The following TMEM63B variants were observed in gnomAD, a reference collection of about 807,000 sequenced individuals.
TMEM63B encodes the protein mechanosensitive cation channel TMEM63B.
In TMEM63B, 23 loss-of-function variants were observed where a neutral mutation model predicts 102.6. That is an observed-to-expected ratio of 0.22 (90% CI 0.16 to 0.32). The LOEUF (loss-of-function observed/expected upper bound fraction) is 0.32. TMEM63B is among the 10% of genes least tolerant of loss of function. The pLI, the probability that TMEM63B is intolerant of heterozygous loss-of-function variation, is 1.00. For synonymous variants in TMEM63B, 444 were observed against 437.0 expected, an observed-to-expected ratio of 1.02 and a Z score of -0.20; for missense variants, 628 against 1,095.9, an observed-to-expected ratio of 0.57 and a Z score of 6.03.
At chr6:44,145,340 G>A (rs1484703596) in intron 10 of TMEM63B, among the ~76,000 whole-genome samples, 2 of 151,530 alleles carry the variant, frequency 1.3e-5, no homozygotes, top group African/African-American at 4.9e-5. Context: ...CAGCACTTTG[G>A]GAAGCCAGGG....
intron 10 of TMEM63B, among the ~76,000 whole-genome samples, chr6:44,145,517 G>A (rs1466455838): frequency 6.6e-6 from 1 of 151,978 alleles, no homozygotes. Flanking sequence ...ACTTGAACCC[G>A]GGAAGCAAAG....
intron 1 of TMEM63B, among the ~76,000 whole-genome samples, chr6:44,132,601 T>TG (rs1401524134): frequency 6.6e-6 from 1 of 152,170 alleles, no homozygotes; most frequent in African/African-American, 2.4e-5. Context: ...CCTCCCATAG[T>TG]GCCCCAGGGT....
At position 44,150,052 on chromosome 6, in the gene TMEM63B, C is replaced by G. The variant is rs765112478; in HGVS notation, c.1520+87C>G. 8.3e-6 allele frequency: 12 copies of G among 1,440,188 alleles called. No individual in the cohort carries two copies. The highest frequency in any genetic ancestry group is 1.1e-5 in the Non-Finnish European group (11 of 1,044,922). The allele number at this position is 1,440,188 out of a possible 1,614,324, so 89.2% of individuals were successfully genotyped here. A position where few individuals can be genotyped will look rare whatever the true frequency, so the allele number is the denominator to read the frequency against. The stretch of plus-strand genomic sequence containing the variant: ...TGGGCAGCACTTTGCCCTTCAGGCT[C>G]CTGGCCCTGGGCAGTCCCACAGCTG... On this transcript the variant is annotated intron_variant, in intron 16 of 23. Transcript: ENST00000323267. This position sits in a 1 kb window ranked among gnomAD's most constrained non-coding sequence, Gnocchi z 4.7.
At chr6:44,141,724 T>C (rs192042421) in intron 10 of TMEM63B, among the ~76,000 whole-genome samples, 3 of 152,332 alleles carry the variant, frequency 2.0e-5, no homozygotes, top group African/African-American at 4.8e-5. Context: ...GGACAGTCTC[T>C]ATACCACAGG....
intron 5 of TMEM63B, among the ~76,000 whole-genome samples, chr6:44,137,731 C>A (rs1040279647): frequency 6.6e-5 from 10 of 151,156 alleles, no homozygotes; most frequent in African/African-American, 2.4e-4. Context: ...CAGAGTCTTG[C>A]TCTGTCGCCC....
intron 1 of TMEM63B, among the ~76,000 whole-genome samples, chr6:44,129,708 T>G (rs1309304962): frequency 1.3e-5 from 2 of 152,220 alleles, no homozygotes; most frequent in Admixed American, 1.3e-4. Flanking sequence ...CATGTTACAT[T>G]CTGTGTTTTT....
At position 44,149,971 on chromosome 6, in the gene TMEM63B, G is replaced by A; in HGVS notation, c.1520+6G>A. ...TTTGAAGCCCACTGGACACGGTAAG[G>A]TGCCTCCACTCACACCACACCTCGC... is the stretch of plus-strand genomic sequence containing the variant. On this transcript the variant is annotated splice_donor_region_variant and intron_variant, in intron 16 of 23. Coordinates refer to ENST00000323267, the MANE Select transcript of TMEM63B (RefSeq NM_018426.3). 1.9e-6 allele frequency: 3 copies of A among 1,611,600 alleles called. No homozygotes were observed. Among genetic ancestry groups the A allele is most frequent in the Admixed American group, 1.7e-5 (1 of 59,834 alleles).
chr6:44,138,565 C>G (rs1314280958), intron 6 of TMEM63B, 48 bp downstream of exon 6: 1 of 1,610,784 alleles, frequency 6.2e-7, no homozygotes, highest in South Asian at 1.1e-5. Context: ...AACTTCAGAA[C>G]CTGGCATCTC....
chr6:44,150,010 C>G lies in TMEM63B; in HGVS notation c.1520+45C>G, dbSNP rs984687735. 3.8e-6 allele frequency: 6 copies of G among 1,563,904 alleles called. No individual in the cohort carries two copies. Among genetic ancestry groups the G allele is most frequent in the Non-Finnish European group, 5.3e-6 (6 of 1,142,582 alleles). Reference sequence around the variant, plus strand: ...ACCACACCTCGCTGTGGCCTGCCCTCAATGACCCATCCTCTCTGGGCAGCA... The same window carrying G: ...ACCACACCTCGCTGTGGCCTGCCCTGAATGACCCATCCTCTCTGGGCAGCA... On this transcript the variant is annotated intron_variant, in intron 16 of 23. Coordinates refer to ENST00000323267, the MANE Select transcript of TMEM63B (RefSeq NM_018426.3). This position sits in a 1 kb window ranked among gnomAD's most constrained non-coding sequence, Gnocchi z 4.7.
intron 1 of TMEM63B, among the ~76,000 whole-genome samples, chr6:44,132,655 CA>C (rs1215999319): frequency 4.6e-5 from 7 of 152,166 alleles, no homozygotes; most frequent in Admixed American, 3.3e-4. Context: ...CAGACACACC[CA>C]TGTTCACACC....
chr6:44,152,442 C>T lies in TMEM63B; in HGVS notation c.1837-151C>T. On this transcript the variant is annotated intron_variant, in intron 19 of 23. Coordinates refer to ENST00000323267, the MANE Select transcript of TMEM63B (RefSeq NM_018426.3). This position sits in a 1 kb window ranked among gnomAD's most constrained non-coding sequence, Gnocchi z 6.4. ...GCCATAGCCCCTCTCTCCATCTGCTCTGCCCTACCCTACCCTAGACATTAG... is the reference window on the plus strand; with the variant it reads ...GCCATAGCCCCTCTCTCCATCTGCTTTGCCCTACCCTACCCTAGACATTAG... 4.7e-6 allele frequency: 3 copies of T among 638,220 alleles called. No individual in the cohort carries two copies. Among genetic ancestry groups the T allele is most frequent in the Non-Finnish European group, 8.3e-6 (3 of 361,926 alleles). 39.5% of individuals were successfully genotyped at this position (638,220 alleles called of 1,614,324 possible). A position where few individuals can be genotyped will look rare whatever the true frequency, so the allele number is the denominator to read the frequency against.
intron 10 of TMEM63B, among the ~76,000 whole-genome samples, chr6:44,142,338 C>T (rs939130171): frequency 6.6e-6 from 1 of 150,594 alleles, no homozygotes; most frequent in Non-Finnish European, 1.5e-5. Flanking sequence ...GGTGAAACCC[C>T]GTCTCTACTG....
Position 44,154,848 on chromosome 6 carries a change from G to A in TMEM63B, c.2464G>A (p.Glu822Lys), listed in dbSNP as rs766505020. ...CACGGACACAGACTTCCAGTCTTGC[G>A]AGGACAGCCTCATAGAGAATGAGAT... ...ALTDTDFQSCEDSLIENEIHQ is the reference protein window; with the variant it reads ...ALTDTDFQSCKDSLIENEIHQ The change falls in exon 24 of 24, where the codon GAG (glutamate) becomes AAG (lysine). Residue 822 changes from glutamate (E) to lysine (K), a missense_variant. Around this residue, in one of 6 missense-constraint regions of TMEM63B, gnomAD observed 129 missense variants for 153.5 expected, o/e 0.84. Coordinates refer to ENST00000323267, the MANE Select transcript of TMEM63B (RefSeq NM_018426.3). 1.0e-5 allele frequency: 16 copies of A among 1,605,020 alleles called. No individual in the cohort carries two copies. The highest frequency in any genetic ancestry group is 7.8e-5 in the South Asian group (7 of 90,108).
At chr6:44,154,582 GC>G in intron 23 of TMEM63B, 109 bp from the exon 24 acceptor site, 2 of 1,444,310 alleles carry the variant, frequency 1.4e-6, no homozygotes, top group Non-Finnish European at 9.4e-7. Context: ...CTGGAGGGCT[GC>G]CCCCGCCCCC....
Position 44,148,279 on chromosome 6 carries a change from C to T in TMEM63B, c.1015C>T (p.Leu339=). Residue 339 remains leucine, a synonymous_variant, in exon 13 of 24, where the codon CTG becomes TTG. Coordinates refer to ENST00000323267, the MANE Select transcript of TMEM63B (RefSeq NM_018426.3). This position sits in a 1 kb window ranked among gnomAD's most constrained non-coding sequence, Gnocchi z 5.1. ...GGAGGCCATTGAGTACTACACAAAG[C>T]TGGAGCAGAAGCTGAAGGAAGACTA... ...QVEAIEYYTK[L]EQKLKEDYKR... The T allele has an allele frequency of 1.9e-6, 3 of 1,614,236 alleles. No individual in the cohort carries two copies. Among genetic ancestry groups the T allele is most frequent in the Non-Finnish European group, 1.7e-6 (2 of 1,180,040 alleles).
chr6:44,151,061 G>A (rs988852605), intron 18 of TMEM63B, among the ~76,000 whole-genome samples: 2 of 152,070 alleles, frequency 1.3e-5, no homozygotes, highest in African/African-American at 4.8e-5. Context: ...GGGTATCCCT[G>A]AAGGTCTCTA....
chr6:44,141,870 C>T (rs1764331343), intron 10 of TMEM63B, among the ~76,000 whole-genome samples: 1 of 151,456 alleles, frequency 6.6e-6, no homozygotes, highest in Admixed American at 6.6e-5. Context: ...GGCTGTAATC[C>T]CAGCACTTTG....
Position 44,144,337 on chromosome 6 carries a change from C to T in TMEM63B, c.783-2510C>T, listed in dbSNP as rs116251469. On this transcript the variant is annotated intron_variant, in intron 10 of 23. Coordinates refer to ENST00000323267, the MANE Select transcript of TMEM63B (RefSeq NM_018426.3). Reference sequence around the variant, plus strand: ...AGGAAATATCTTGCATGCAAATCAACGGGCCTGTGTGGTTGGATTTAGAGG... The same window carrying T: ...AGGAAATATCTTGCATGCAAATCAATGGGCCTGTGTGGTTGGATTTAGAGG... 7.0e-3 allele frequency among the ~76,000 whole-genome samples: 1,071 copies of T among 152,188 alleles called. 11 individuals carry two copies. The highest frequency in any genetic ancestry group is 0.025 in the African/African-American group (1,028 of 41,516).
Position 44,153,732 on chromosome 6 carries a change from T to C in TMEM63B, c.1999T>C (p.Tyr667His), listed in dbSNP as rs1188220080. 5 of 1,614,134 alleles carry C rather than the reference T, an allele frequency of 3.1e-6. No individual in the cohort carries two copies. The highest frequency in any genetic ancestry group is 1.1e-5 in the South Asian group (1 of 91,090). ...AGACAGGTACAATCTCTACTACGCCTACCTGCCGGCCAAGCTGGACAAGAA... is the reference window on the plus strand; with the variant it reads ...AGACAGGTACAATCTCTACTACGCCCACCTGCCGGCCAAGCTGGACAAGAA... ...LVDRYNLYYA[Y>H]LPAKLDKKIH... Residue 667 changes from tyrosine (Y) to histidine (H), a missense_variant, in exon 21 of 24, where the codon TAC becomes CAC. Around this residue, in one of 6 missense-constraint regions of TMEM63B, gnomAD observed 90 missense variants for 136.7 expected, o/e 0.66. Transcript: ENST00000323267.
Sources: gnomAD v4.1 joint callset for allele counts (sites outside exome capture counted in the v4.1 genomes callset) on GRCh38, gnomAD v4.1.1 for gene constraint, gnomAD v4.1.1 regional missense constraint, Gnocchi (gnomAD v3.1) non-coding constraint, MANE v1.5 for transcripts, NCBI Gene and HGNC (gene_info 2026-07-23, HGNC 2026-07-21) for gene names.